RBFOX1: variants seen among roughly 807,000 people sequenced by gnomAD.
The protein encoded by RBFOX1 is RNA binding fox-1 homolog 1.
In RBFOX1, 8 loss-of-function variants were observed where a neutral mutation model predicts 57.7. That is an observed-to-expected ratio of 0.14 (90% CI 0.08 to 0.25). The LOEUF (loss-of-function observed/expected upper bound fraction) is 0.25. RBFOX1 is among the 10% of genes least tolerant of loss of function. The probability of loss-of-function intolerance (pLI) is 1.00; values close to 1 mark genes in which losing one functional copy is unlikely to be tolerated. For missense variants in RBFOX1, 611 were observed against 548.5 expected, an observed-to-expected ratio of 1.11 and a Z score of -1.14; for synonymous variants, 326 against 222.4, an observed-to-expected ratio of 1.47 and a Z score of -4.15.
At chr16:5,850,449 C>G (rs564302951) in intron 3 of RBFOX1, among the ~76,000 whole-genome samples, 3 of 152,308 alleles carry the variant, frequency 2.0e-5, no homozygotes, top group South Asian at 2.1e-4. Context: ...GCACTAGTAT[C>G]CTGTGTGTCA....
intron 4 of RBFOX1, among the ~76,000 whole-genome samples, chr16:6,013,643 G>T (rs1484697637): frequency 1.3e-5 from 2 of 152,186 alleles, no homozygotes; most frequent in Admixed American, 1.3e-4. Context: ...GGTTGGGCAA[G>T]ACACTGAATT....
chr16:6,949,606 G>T (rs913176792), intron 3 of RBFOX1, among the ~76,000 whole-genome samples: 4 of 151,958 alleles, frequency 2.6e-5, no homozygotes, highest in Non-Finnish European at 5.9e-5. Context: ...CGTGCATCTT[G>T]GATATCTCTT....
chr16:6,656,157 C>G (rs2098649777), intron 3 of RBFOX1, among the ~76,000 whole-genome samples: 1 of 152,112 alleles, frequency 6.6e-6, no homozygotes, highest in Admixed American at 6.6e-5. Context: ...AAGCGTGTGT[C>G]CAAAGTCTTC....
chr16:5,337,913 G>A (rs2064939135), intron 1 of RBFOX1, among the ~76,000 whole-genome samples: 1 of 152,168 alleles, frequency 6.6e-6, no homozygotes, highest in South Asian at 2.1e-4. Context: ...ACATGGTGGT[G>A]CATATCTGTA....
chr16:6,934,701 AT>A (rs33948855), intron 3 of RBFOX1, among the ~76,000 whole-genome samples: 44,412 of 151,870 alleles, frequency 0.29, 10,396 homozygotes, highest in African/African-American at 0.66. Context: ...TGATCTCGAG[AT>A]TTTTTTCTTT....
chr16:7,330,949 A>G lies in RBFOX1; in HGVS notation c.28-187198A>G, dbSNP rs533769359. On this transcript the variant is annotated intron_variant, in intron 4 of 15. Coordinates refer to ENST00000550418, the MANE Select transcript of RBFOX1 (RefSeq NM_018723.4). ...GTCATCGTCAAAAGCTAAAGTTAGAAACAGTATCGGGCTGTTGAGTAAGAG... is the reference window on the plus strand; with the variant it reads ...GTCATCGTCAAAAGCTAAAGTTAGAGACAGTATCGGGCTGTTGAGTAAGAG... Among the ~76,000 whole-genome samples the G allele has an allele frequency of 3.6e-4, 55 of 152,246 alleles. 1 individual carries two copies. In the South Asian group the frequency reaches 0.011, roughly 32 times the overall value.
intron 4 of RBFOX1, among the ~76,000 whole-genome samples, chr16:7,086,470 C>G (rs188317078): frequency 2.0e-4 from 31 of 152,218 alleles, no homozygotes; most frequent in African/African-American, 2.4e-4. Flanking sequence ...TCCCCATCCT[C>G]TCATTCATGA....
At chr16:7,504,787 T>TTTATA (rs1567555340) in intron 4 of RBFOX1, among the ~76,000 whole-genome samples, 1 of 9,370 alleles carries the variant, frequency 1.1e-4, no homozygotes, top group African/African-American at 3.7e-4. Flanking sequence ...ATATATATAT[T>TTTATA]TATATATATA....
intron 3 of RBFOX1, among the ~76,000 whole-genome samples, chr16:5,857,497 T>C (rs992565443): frequency 6.6e-6 from 1 of 152,036 alleles, no homozygotes; most frequent in Admixed American, 6.6e-5. Flanking sequence ...GTCTGTGAAG[T>C]ATAATAAAAT....
chr16:6,921,639 A>T lies in RBFOX1; in HGVS notation c.-15-130418A>T, dbSNP rs1042431736. Among the ~76,000 whole-genome samples, 17 of 95,034 alleles carry T rather than the reference A, an allele frequency of 1.8e-4. No individual in the cohort carries two copies. The South Asian group carries it at 4.8e-3, about 27-fold the overall frequency. The allele number at this position is 95,034 out of a possible 152,430, so 62.3% of individuals were successfully genotyped here. On this transcript the variant is annotated intron_variant, in intron 3 of 15. Coordinates refer to ENST00000550418, the MANE Select transcript of RBFOX1 (RefSeq NM_018723.4). The stretch of plus-strand genomic sequence containing the variant: ...CATAAATTACTGTATATATATATAT[A>T]TATATATTTTTTTTTTTCTTAGGGT...
At chr16:7,563,757 C>T (rs974948413) in intron 5 of RBFOX1, among the ~76,000 whole-genome samples, 57 of 152,220 alleles carry the variant, frequency 3.7e-4, no homozygotes, top group Admixed American at 2.6e-4. Context: ...GCTGAGCCAC[C>T]GCACCCACTC....
chr16:5,421,164 A>T (rs969074386), intron 1 of RBFOX1, among the ~76,000 whole-genome samples: 3 of 150,762 alleles, frequency 2.0e-5, no homozygotes, highest in African/African-American at 7.3e-5. Flanking sequence ...GGGCCACTAC[A>T]CCTGGCTAAT....
At chr16:7,042,129 C>G (rs550056148) in intron 3 of RBFOX1, among the ~76,000 whole-genome samples, 1 of 152,222 alleles carries the variant, frequency 6.6e-6, no homozygotes, top group Admixed American at 6.5e-5. Context: ...CTCAATAAGC[C>G]AAGTTTGGAA....
chr16:6,560,387 A>AG (rs568177104), intron 2 of RBFOX1, among the ~76,000 whole-genome samples: 4,120 of 117,968 alleles, frequency 0.035, 86 homozygotes, highest in African/African-American at 0.056. Context: ...GGAGAGGGCC[A>AG]GTGTGGGCCT....
At chr16:6,463,366 T>C (rs190360566) in intron 2 of RBFOX1, among the ~76,000 whole-genome samples, 96 of 152,300 alleles carry the variant, frequency 6.3e-4, no homozygotes, top group African/African-American at 2.1e-3. Context: ...TTTGCTGTTG[T>C]GTATTAAAGA....
chr16:6,514,140 C>A (rs1011511442), intron 2 of RBFOX1, among the ~76,000 whole-genome samples: 1 of 152,166 alleles, frequency 6.6e-6, no homozygotes, highest in Non-Finnish European at 1.5e-5. Flanking sequence ...CTAGGTGTCA[C>A]GTTCCATCCA....
chr16:7,329,887 C>T (rs990667381), intron 4 of RBFOX1, among the ~76,000 whole-genome samples: 1 of 152,104 alleles, frequency 6.6e-6, no homozygotes, highest in Non-Finnish European at 1.5e-5. Context: ...TTATTTCTAT[C>T]CTACTAAAAT....
chr16:5,809,607 A>C (rs566963287), intron 3 of RBFOX1, among the ~76,000 whole-genome samples: 1 of 152,352 alleles, frequency 6.6e-6, no homozygotes, highest in African/African-American at 2.4e-5. Context: ...GAGAAATGCA[A>C]ATCAAAACCA....
chr16:5,364,968 G>C (rs1006281479), intron 1 of RBFOX1, among the ~76,000 whole-genome samples: 4 of 152,206 alleles, frequency 2.6e-5, no homozygotes, highest in East Asian at 3.9e-4. Context: ...AGGAAGCCTT[G>C]TCTCGGTTGC....
Sources: allele counts gnomAD v4.1 joint callset (sites outside exome capture counted in the v4.1 genomes callset), GRCh38; gene constraint gnomAD v4.1.1; transcripts MANE v1.5; gene names NCBI Gene and HGNC (gene_info 2026-07-23, HGNC 2026-07-21).